The following FAAH2 variants were observed in gnomAD, a reference collection of about 807,000 sequenced individuals.
FAAH2 encodes the protein fatty-acid amide hydrolase 2.
Under a neutral mutation model 36.9 loss-of-function variants are expected in FAAH2, and 60 were observed. The ratio of observed to expected loss-of-function variants is 1.63; its 90% CI spans 1.32 to 2.02. The LOEUF is 2.02. Ranked by LOEUF, FAAH2 falls within the 30% of genes most tolerant of loss-of-function variation. The pLI, the probability that FAAH2 is intolerant of heterozygous loss-of-function variation, is 0.00. For synonymous variants in FAAH2, 214 were observed against 143.8 expected, an observed-to-expected ratio of 1.49 and a Z score of -3.49; for missense variants, 689 against 397.5, an observed-to-expected ratio of 1.73 and a Z score of -6.23.
At chrX:57,452,975 A>T (rs1479999305) in intron 10 of FAAH2, among the ~76,000 whole-genome samples, 5 of 112,090 alleles carry the variant, frequency 4.5e-5, no homozygotes, top group Non-Finnish European at 9.4e-5. Context: ...GACAACTCCC[A>T]TTCTTTCCAG....
chrX:57,216,535 TATATATAC>T, the FAAH2 span, among the ~76,000 whole-genome samples: 4,357 of 82,048 alleles, frequency 0.053, 640 homozygotes, highest in African/African-American at 0.21. Context: ...TGTATATATA[TATATATAC>T]GTATATGTAT....
At chrX:57,406,920 G>A (rs1029272174) in intron 7 of FAAH2, among the ~76,000 whole-genome samples, 2 of 112,873 alleles carry the variant, frequency 1.8e-5, no homozygotes, top group African/African-American at 3.2e-5. Flanking sequence ...AGCCTTGGCT[G>A]CATCTGTGGC....
intron 7 of FAAH2, among the ~76,000 whole-genome samples, chrX:57,381,241 G>T (rs1037958436): frequency 9.0e-6 from 1 of 111,318 alleles, no homozygotes; most frequent in African/African-American, 3.3e-5. Flanking sequence ...TGAAAATAAA[G>T]TATGATAAAT....
At chrX:57,391,077 ATGT>A (rs2055155600) in intron 7 of FAAH2, among the ~76,000 whole-genome samples, 1 of 111,414 alleles carries the variant, frequency 9.0e-6, no homozygotes, top group African/African-American at 3.3e-5. Context: ...ATGACTAGTG[ATGT>A]TGAGCACCTT....
chrX:57,318,704 C>A (rs1233586253), intron 3 of FAAH2, among the ~76,000 whole-genome samples: 1 of 111,327 alleles, frequency 9.0e-6, no homozygotes, highest in Non-Finnish European at 1.9e-5. Flanking sequence ...CAAACCCTGG[C>A]AGAGACACAA....
intron 1 of FAAH2, among the ~76,000 whole-genome samples, chrX:57,288,338 C>CTTTTTTTTTTTTTTTTTTTTTTT (rs771871081): frequency 2.5e-5 from 1 of 40,363 alleles, no homozygotes. Flanking sequence ...AAAAACATTT[C>CTTTTTTTTTTTTTTTTTTTTTTT]TTTTTTTTTT....
chrX:57,249,687 G>A, the FAAH2 span, among the ~76,000 whole-genome samples: 3 of 111,793 alleles, frequency 2.7e-5, no homozygotes, highest in African/African-American at 9.7e-5. Flanking sequence ...TCGTTAATTG[G>A]ACCATGAGAC....
At chrX:57,209,090 G>A in the FAAH2 span, among the ~76,000 whole-genome samples, 1 of 112,040 alleles carries the variant, frequency 8.9e-6, no homozygotes, top group African/African-American at 3.2e-5. Flanking sequence ...GCTCCCCTCT[G>A]TCCCAGGGTA....
chrX:57,281,951 T>A (rs2051758586), upstream of FAAH2, among the ~76,000 whole-genome samples: 1 of 112,273 alleles, frequency 8.9e-6, no homozygotes, highest in South Asian at 3.7e-4. Flanking sequence ...TACCACATTT[T>A]TGTTATCCAG....
intron 7 of FAAH2, among the ~76,000 whole-genome samples, chrX:57,420,248 T>C (rs888761296): frequency 9.0e-6 from 1 of 111,701 alleles, no homozygotes; most frequent in African/African-American, 3.3e-5. Context: ...TTTTTCCAAT[T>C]CTGTGAAGAC....
chrX:57,175,863 A>G, the FAAH2 span, among the ~76,000 whole-genome samples: 1 of 112,025 alleles, frequency 8.9e-6, no homozygotes, highest in African/African-American at 3.2e-5. Context: ...TTCTCAGGTG[A>G]CACTTATTCT....
At chrX:57,331,452 T>C in intron 3 of FAAH2, 146 bp from the exon 4 acceptor site, 1 of 460,787 alleles carries the variant, frequency 2.2e-6, no homozygotes, top group Non-Finnish European at 3.7e-6. Context: ...GAAGATCTGC[T>C]AGCAGTGTGC....
At chrX:57,138,631 C>A in the FAAH2 span, among the ~76,000 whole-genome samples, 1 of 111,074 alleles carries the variant, frequency 9.0e-6, no homozygotes, top group Admixed American at 9.6e-5. Context: ...TTTGGAGGAA[C>A]TACCACGCTG....
At chrX:57,147,503 A>G in the FAAH2 span, among the ~76,000 whole-genome samples, 1 of 111,736 alleles carries the variant, frequency 8.9e-6, no homozygotes, top group Non-Finnish European at 1.9e-5. Context: ...TTTTAAAAGA[A>G]CCAGCTTTTT....
At chrX:57,345,602 A>G (rs1350269068) in intron 5 of FAAH2, among the ~76,000 whole-genome samples, 1 of 110,823 alleles carries the variant, frequency 9.0e-6, no homozygotes, top group Non-Finnish European at 1.9e-5. Context: ...GATCTTTTGT[A>G]TGAACTTTTG....
intron 10 of FAAH2, among the ~76,000 whole-genome samples, chrX:57,481,742 G>C (rs1459520957): frequency 8.9e-6 from 1 of 112,108 alleles, no homozygotes; most frequent in Non-Finnish European, 1.9e-5. Flanking sequence ...GGTGGCATTC[G>C]GTCCCTTGGC....
At chrX:57,326,549 A>G (rs1383354727) in intron 3 of FAAH2, among the ~76,000 whole-genome samples, 1 of 100,533 alleles carries the variant, frequency 9.9e-6, no homozygotes, top group Non-Finnish European at 2.0e-5. Flanking sequence ...TATATTTAGG[A>G]TAGTTAGCTC....
intron 2 of FAAH2, among the ~76,000 whole-genome samples, chrX:57,299,565 T>C (rs1017789764): frequency 3.6e-5 from 4 of 111,854 alleles, no homozygotes; most frequent in African/African-American, 1.3e-4. Flanking sequence ...ATGCCCTCTC[T>C]CACCACTCCT....
At chrX:57,377,130 T>G (rs2054703510) in intron 5 of FAAH2, among the ~76,000 whole-genome samples, 1 of 112,458 alleles carries the variant, frequency 8.9e-6, no homozygotes, top group Admixed American at 9.4e-5. Flanking sequence ...TAGTTTCTTT[T>G]GCTGTGCAGA....
Sources: gnomAD v4.1 joint callset for allele counts (sites outside exome capture counted in the v4.1 genomes callset) on GRCh38, gnomAD v4.1.1 for gene constraint, MANE v1.5 for transcripts, NCBI Gene and HGNC (gene_info 2026-07-23, HGNC 2026-07-21) for gene names.